Variants in INO80 observed in about 807,000 individuals in gnomAD.
INO80 encodes the protein INO80 complex ATPase subunit.
INO80 carries 20 observed loss-of-function variants against 203.4 expected under a neutral mutation model. That is an observed-to-expected ratio of 0.10 (90% CI 0.07 to 0.14). INO80 has a LOEUF of 0.14. Ranked by LOEUF, INO80 falls within the 10% of genes least tolerant of loss-of-function variation. The pLI, the probability that INO80 is intolerant of heterozygous loss-of-function variation, is 1.00. For missense variants in INO80, 1,419 were observed against 1,914.4 expected (o/e 0.74, Z 4.83); for synonymous variants, 726 against 685.2 (o/e 1.06, Z -0.93).
At chr15:41,067,577 A>G (rs1381251862) in intron 14 of INO80, among the ~76,000 whole-genome samples, 1 of 151,854 alleles carries the variant, frequency 6.6e-6, no homozygotes, top group Non-Finnish European at 1.5e-5. Flanking sequence ...ATATCCTAAC[A>G]CTCCTTATAC....
chr15:41,020,126 C>T (rs1330359883), intron 26 of INO80, among the ~76,000 whole-genome samples: 5 of 152,026 alleles, frequency 3.3e-5, no homozygotes, highest in African/African-American at 1.2e-4. Flanking sequence ...AAGGCTGAGG[C>T]AGGAGAATGG....
In INO80 at chr15:41,056,691, G is replaced by A. The variant is rs1346465138; in HGVS notation, c.2001C>T (p.Ile667=). 4 of 1,613,704 alleles carry A rather than the reference G, an allele frequency of 2.5e-6. No individual in the cohort carries two copies. Among genetic ancestry groups the A allele is most frequent in the East Asian group, 2.2e-5 (1 of 44,892 alleles). Residue 667 remains isoleucine (I), a synonymous_variant, in exon 17 of 36, where the codon ATC becomes ATT. Coordinates refer to ENST00000648947, the MANE Select transcript of INO80 (RefSeq NM_017553.3). Reference sequence around the variant, plus strand: ...GATTCCGACACTGGAACTGTAAGAGGATCTTCCAACGAACACTGTTTGATA... The same window carrying A: ...GATTCCGACACTGGAACTGTAAGAGAATCTTCCAACGAACACTGTTTGATA... ...LKSSSSVRWK[I]LLQFQCRNRL... is the part of the protein sequence containing the mutation.
intron 5 of INO80, among the ~76,000 whole-genome samples, chr15:41,091,515 C>T (rs1257840901): frequency 6.6e-6 from 1 of 152,056 alleles, no homozygotes; most frequent in African/African-American, 2.4e-5. Flanking sequence ...TGATGCTCTC[C>T]CTCCTCCTGC....
At chr15:41,100,017 G>T (rs1010949575) in intron 1 of INO80, among the ~76,000 whole-genome samples, 19 of 152,068 alleles carry the variant, frequency 1.2e-4, no homozygotes, top group Admixed American at 6.6e-5. Flanking sequence ...TAAGGAAAAT[G>T]ACACTAATTA....
In INO80 at chr15:41,069,680, C is replaced by T. The variant is rs1386626431; in HGVS notation, c.1687-15G>A. On this transcript the variant is annotated splice_polypyrimidine_tract_variant and intron_variant, in intron 13 of 35. Coordinates refer to ENST00000648947, the MANE Select transcript of INO80 (RefSeq NM_017553.3). ...ATGTTCTCTCTCTGCAACAGAAAAACCCAGTCAGCCAACTACAGGAAAAGG... is the reference window on the plus strand; with the variant it reads ...ATGTTCTCTCTCTGCAACAGAAAAATCCAGTCAGCCAACTACAGGAAAAGG... The T allele has an allele frequency of 6.7e-7, 1 of 1,490,660 alleles. No individual in the cohort carries two copies. Among genetic ancestry groups the T allele is most frequent in the Admixed American group, 1.8e-5 (1 of 56,000 alleles). 92.3% of individuals were successfully genotyped at this position (1,490,660 alleles called of 1,614,324 possible).
intron 27 of INO80, among the ~76,000 whole-genome samples, chr15:41,008,683 G>A (rs2044087543): frequency 6.6e-6 from 1 of 152,096 alleles, no homozygotes; most frequent in Admixed American, 6.6e-5. Context: ...GCAGCTGAGA[G>A]CAACCACTAG....
At chr15:41,093,613 C>T (rs1228573305) in intron 4 of INO80, among the ~76,000 whole-genome samples, 1 of 152,042 alleles carries the variant, frequency 6.6e-6, no homozygotes, top group African/African-American at 2.4e-5. Flanking sequence ...CCTGTAATCC[C>T]AGCACTTTGA....
At chr15:41,077,776 G>A (rs1245085458) in intron 9 of INO80, among the ~76,000 whole-genome samples, 2 of 151,974 alleles carry the variant, frequency 1.3e-5, no homozygotes, top group Non-Finnish European at 2.9e-5. Context: ...GCCCACACTG[G>A]TCTTGAACTC....
chr15:41,068,902 G>T (rs1022038451), intron 14 of INO80, among the ~76,000 whole-genome samples: 5 of 151,832 alleles, frequency 3.3e-5, no homozygotes, highest in Non-Finnish European at 5.9e-5. Context: ...AAAAAGAAAT[G>T]AATTATTTAC....
intron 27 of INO80, among the ~76,000 whole-genome samples, chr15:41,015,819 C>T (rs930184740): frequency 1.4e-5 from 2 of 146,062 alleles, no homozygotes; most frequent in Admixed American, 1.4e-4. Context: ...TGGTGGTGCA[C>T]GCCTGTAATC....
rs141092998 is a variant in INO80, at chr15:40,980,277, T to C, written c.4617A>G (p.Pro1539=). The change falls in exon 36 of 36, where the codon CCA becomes CCG. Residue 1539 remains proline (P), a synonymous_variant. Transcript: ENST00000648947. Reference sequence around the variant, plus strand: ...TGCCCTGTTTCCGGACCAGAGAGTCTGGGGCTAGGCTGCTGGTCATGTGGA... The same window carrying C: ...TGCCCTGTTTCCGGACCAGAGAGTCCGGGGCTAGGCTGCTGGTCATGTGGA... ...KNLHMTSSLA[P]DSLVRKQGKG... The C allele has an allele frequency of 1.1e-4, 183 of 1,613,514 alleles. No individual in the cohort carries two copies. The highest frequency in any genetic ancestry group is 1.2e-4 in the Admixed American group (7 of 60,002).
intron 32 of INO80, 71 bp downstream of exon 32, chr15:40,985,266 GT>G: frequency 1.9e-6 from 2 of 1,042,922 alleles, no homozygotes; most frequent in South Asian, 2.5e-5. Flanking sequence ...GAGAAGCCAT[GT>G]ACCCCAAAGC....
chr15:41,025,034 T>A (rs1238701329), intron 25 of INO80, among the ~76,000 whole-genome samples: 1 of 152,146 alleles, frequency 6.6e-6, no homozygotes, highest in East Asian at 1.9e-4. Flanking sequence ...CATTTTCAGG[T>A]TTAGCACATA....
chr15:41,072,444 G>C (rs111280755), intron 11 of INO80, among the ~76,000 whole-genome samples: 11,423 of 151,758 alleles, frequency 0.075, 1,217 homozygotes, highest in African/African-American at 0.24. Context: ...GCTTGGGCCA[G>C]GCGCAGTGGC....
intron 16 of INO80, among the ~76,000 whole-genome samples, chr15:41,057,114 T>G (rs1252277308): frequency 2.0e-5 from 3 of 152,140 alleles, no homozygotes; most frequent in Non-Finnish European, 4.4e-5. Context: ...ATGAGGAGTG[T>G]TGGTGAGAAG....
chr15:41,085,264 G>T, intron 7 of INO80, 105 bp downstream of exon 7: 1 of 949,322 alleles, frequency 1.1e-6, no homozygotes, highest in Non-Finnish European at 1.6e-6. Flanking sequence ...TAGTTTCTTT[G>T]CAGAATTCCT....
At chr15:41,049,848 T>G (rs1394627472) in intron 20 of INO80, 87 bp downstream of exon 20, 28 of 1,240,486 alleles carry the variant, frequency 2.3e-5, no homozygotes, top group Non-Finnish European at 3.1e-5. Context: ...ATCACGCCAT[T>G]GCACTCCAGC....
intron 1 of INO80, among the ~76,000 whole-genome samples, chr15:41,111,579 C>T (rs1005084932): frequency 1.3e-5 from 2 of 151,748 alleles, no homozygotes; most frequent in African/African-American, 4.8e-5. Flanking sequence ...CTAAGGTGGG[C>T]GGATCATGAG....
chr15:41,073,310 A>T, intron 11 of INO80, 118 bp downstream of exon 11: 1 of 855,174 alleles, frequency 1.2e-6, no homozygotes, highest in Non-Finnish European at 2.0e-6. Flanking sequence ...CATATACACA[A>T]GCTAGTCTAT....
Sources: allele counts gnomAD v4.1 joint callset (sites outside exome capture counted in the v4.1 genomes callset), GRCh38; gene constraint gnomAD v4.1.1; transcripts MANE v1.5; gene names NCBI Gene and HGNC (gene_info 2026-07-23, HGNC 2026-07-21).